CACNA2D3: variants seen among roughly 807,000 people sequenced by gnomAD.
CACNA2D3 encodes the protein calcium voltage-gated channel auxiliary subunit alpha2delta 3.
Under a neutral mutation model 160.6 loss-of-function variants are expected in CACNA2D3, and 60 were observed. That is an observed-to-expected ratio of 0.37 (90% CI 0.30 to 0.46). The LOEUF (loss-of-function observed/expected upper bound fraction) is 0.46, where lower values mean the gene tolerates loss of function less well. CACNA2D3 is among the 20% of genes least tolerant of loss of function. The probability of loss-of-function intolerance (pLI) is 1.00; values close to 1 mark genes in which losing one functional copy is unlikely to be tolerated. For synonymous variants in CACNA2D3, 558 were observed against 492.9 expected (o/e 1.13, Z -1.75); for missense variants, 1,205 against 1,365.0 (o/e 0.88, Z 1.85).
rs775866106 is a variant in CACNA2D3 at position 55,009,472 on chromosome 3, G to T, written c.2875+29G>T. ...AGCAGCAACTGGTTTCTGTTTCCCAGCTTGGAGGGATAAGCGCTGGGTTCA... is the reference window on the plus strand; with the variant it reads ...AGCAGCAACTGGTTTCTGTTTCCCATCTTGGAGGGATAAGCGCTGGGTTCA... On this transcript the variant is annotated intron_variant, in intron 34 of 37. Transcript: ENST00000474759. 3.7e-6 allele frequency: 6 copies of T among 1,605,972 alleles called. No homozygotes were observed. In the African/African-American group the frequency reaches 6.7e-5, roughly 18 times the overall value.
intron 11 of CACNA2D3, among the ~76,000 whole-genome samples, chr3:54,698,663 A>G (rs1051372510): frequency 6.6e-6 from 1 of 152,198 alleles, no homozygotes; most frequent in Non-Finnish European, 1.5e-5. Flanking sequence ...CGTACAAGTA[A>G]GCAGAATTCT....
At chr3:54,946,366 CA>C (rs1198883982) in intron 27 of CACNA2D3, among the ~76,000 whole-genome samples, 1 of 152,190 alleles carries the variant, frequency 6.6e-6, no homozygotes. Flanking sequence ...TGTATGCCTT[CA>C]GAGATTTTAG....
chr3:54,708,586 C>A (rs539449363), intron 11 of CACNA2D3, among the ~76,000 whole-genome samples: 1 of 152,264 alleles, frequency 6.6e-6, no homozygotes, highest in South Asian at 2.1e-4. Flanking sequence ...ATACCCCCAG[C>A]CTTGGCCCAA....
rs2694121 is a variant in CACNA2D3 at position 54,820,019 on chromosome 3, A to C, written c.1398+3149A>C. 5.4e-3 allele frequency among the ~76,000 whole-genome samples: 823 copies of C among 152,236 alleles called. 9 individuals are homozygous for C. The highest frequency in any genetic ancestry group is 0.018 in the African/African-American group (733 of 41,540). Reference sequence around the variant, plus strand: ...TTGACATTACCCATAGATTTCACTCATCTGTGGCCATGATTCTAATGAGCT... The same window carrying C: ...TTGACATTACCCATAGATTTCACTCCTCTGTGGCCATGATTCTAATGAGCT... On this transcript the variant is annotated intron_variant, in intron 14 of 37. Transcript: ENST00000474759.
intron 18 of CACNA2D3, chr3:54,878,731 C>T (rs1268645643): frequency 1.1e-5 from 3 of 272,642 alleles, no homozygotes; most frequent in African/African-American, 2.2e-5. Context: ...AGCGGGTCTC[C>T]AGGAGTTCAC....
intron 28 of CACNA2D3, 82 bp downstream of exon 28, chr3:54,968,593 G>A: frequency 3.1e-6 from 3 of 970,718 alleles, no homozygotes; most frequent in Non-Finnish European, 3.2e-6. Flanking sequence ...GAGCCTGAAA[G>A]TGCCAGATTT....
At chr3:54,569,928 T>C (rs1472713905) in intron 7 of CACNA2D3, 26 bp from the exon 8 acceptor site, 2 of 1,613,664 alleles carry the variant, frequency 1.2e-6, no homozygotes, top group Admixed American at 3.3e-5. Context: ...AGGATTAATT[T>C]TGACTTAATT....
intron 2 of CACNA2D3, among the ~76,000 whole-genome samples, chr3:54,145,849 G>A (rs544398178): frequency 6.6e-6 from 1 of 152,220 alleles, no homozygotes; most frequent in Non-Finnish European, 1.5e-5. Context: ...GATGGCTGTT[G>A]GAGCTTTTCA....
chr3:55,014,172 G>T (rs1393759272), intron 34 of CACNA2D3, among the ~76,000 whole-genome samples: 1 of 152,220 alleles, frequency 6.6e-6, no homozygotes, highest in Non-Finnish European at 1.5e-5. Flanking sequence ...TGAAGATTCT[G>T]CCCATGCTAA....
rs112147349 is a variant in CACNA2D3, at chr3:55,007,623, G to A, written c.2767-167G>A. On this transcript the variant is annotated intron_variant, in intron 32 of 37. Coordinates refer to ENST00000474759, the MANE Select transcript of CACNA2D3 (RefSeq NM_018398.3). ...TCAAAGTTTTAAAATGTTTGTTTTA[G>A]GATACAGTATCCAACAATTTTCTTC... Among the ~76,000 whole-genome samples the A allele has an allele frequency of 0.017, 2,570 of 152,240 alleles. 62 individuals are homozygous for A. The highest frequency in any genetic ancestry group is 0.058 in the African/African-American group (2,399 of 41,530).
At chr3:54,916,587 T>C (rs955517745) in intron 27 of CACNA2D3, among the ~76,000 whole-genome samples, 1 of 152,208 alleles carries the variant, frequency 6.6e-6, no homozygotes, top group Non-Finnish European at 1.5e-5. Context: ...AGAAAGGTGG[T>C]CCATCTTTAG....
chr3:54,687,131 TTTTGTTTTTTTTTTTTTTTG>T (rs1175145743), intron 11 of CACNA2D3, among the ~76,000 whole-genome samples: 53 of 49,312 alleles, frequency 1.1e-3, no homozygotes, highest in Non-Finnish European at 1.6e-3. Flanking sequence ...CTTTTTTTTT[TTTTGTTTTTTTTTTTTTTTG>T]TTTTTTTGAC....
chr3:54,719,627 T>G (rs1232028391), intron 11 of CACNA2D3, among the ~76,000 whole-genome samples: 1 of 151,928 alleles, frequency 6.6e-6, no homozygotes, highest in Non-Finnish European at 1.5e-5. Flanking sequence ...TAATGCTGTT[T>G]TCAGCTTTTT....
At chr3:54,537,116 AGAG>A (rs1701902061) in intron 5 of CACNA2D3, among the ~76,000 whole-genome samples, 3 of 152,058 alleles carry the variant, frequency 2.0e-5, no homozygotes, top group Non-Finnish European at 4.4e-5. Flanking sequence ...AGAGAGAGAG[AGAG>A]AGATGGAAGA....
chr3:54,960,225 CT>C (rs964020486), intron 27 of CACNA2D3, among the ~76,000 whole-genome samples: 7 of 152,186 alleles, frequency 4.6e-5, no homozygotes, highest in Admixed American at 2.0e-4. Context: ...AGAAAATCTT[CT>C]GCTGCGGCCT....
intron 27 of CACNA2D3, among the ~76,000 whole-genome samples, chr3:54,936,210 A>G (rs969774836): frequency 3.3e-5 from 5 of 152,146 alleles, no homozygotes; most frequent in Non-Finnish European, 5.9e-5. Flanking sequence ...ATTAGCTAGT[A>G]TCTTCTATTA....
At chr3:55,021,785 C>G (rs358040) in intron 35 of CACNA2D3, among the ~76,000 whole-genome samples, 16,482 of 150,098 alleles carry the variant, frequency 0.11, 3,052 homozygotes, top group African/African-American at 0.38. Context: ...ATTTTTTGAT[C>G]TGTAAATGCT....
chr3:54,596,267 C>A (rs1379327320), intron 9 of CACNA2D3, among the ~76,000 whole-genome samples: 1 of 152,122 alleles, frequency 6.6e-6, no homozygotes, highest in Non-Finnish European at 1.5e-5. Flanking sequence ...TTGTCTTCTC[C>A]CAGCATCTCA....
At chr3:54,992,125 C>A (rs1200266237) in intron 31 of CACNA2D3, among the ~76,000 whole-genome samples, 1 of 152,098 alleles carries the variant, frequency 6.6e-6, no homozygotes, top group African/African-American at 2.4e-5. Flanking sequence ...CCCAAGAAAT[C>A]GTATATTAAG....
Sources: gnomAD v4.1 joint callset for allele counts (sites outside exome capture counted in the v4.1 genomes callset) on GRCh38, gnomAD v4.1.1 for gene constraint, MANE v1.5 for transcripts, NCBI Gene and HGNC (gene_info 2026-07-23, HGNC 2026-07-21) for gene names.